CHST9: variants seen among roughly 807,000 people sequenced by gnomAD.
The protein encoded by CHST9 is carbohydrate sulfotransferase 9.
CHST9 carries 41 observed loss-of-function variants against 44.4 expected under a neutral mutation model. The ratio of observed to expected loss-of-function variants is 0.92; its 90% CI spans 0.72 to 1.20. CHST9 has a LOEUF of 1.20. Ranked by LOEUF, CHST9 falls within the 50% of genes most tolerant of loss-of-function variation. The probability of loss-of-function intolerance (pLI) is 0.00; values close to 1 mark genes in which losing one functional copy is unlikely to be tolerated. For missense variants in CHST9, 504 were observed against 516.5 expected (o/e 0.98, Z 0.23); for synonymous variants, 171 against 178.4 (o/e 0.96, Z 0.33).
chr18:27,006,329 G>A (rs2057015363), intron 4 of CHST9, among the ~76,000 whole-genome samples: 1 of 152,128 alleles, frequency 6.6e-6, no homozygotes. Flanking sequence ...GGTGTGGAGA[G>A]GGTATGCTAT....
At chr18:26,943,897 G>A (rs1288857369) in intron 5 of CHST9, among the ~76,000 whole-genome samples, 1 of 152,172 alleles carries the variant, frequency 6.6e-6, no homozygotes, top group African/African-American at 2.4e-5. Flanking sequence ...TGGTATATAG[G>A]GGGCCAGTTC....
chr18:27,171,124 A>T (rs1034550237), intron 1 of CHST9, among the ~76,000 whole-genome samples: 3 of 152,226 alleles, frequency 2.0e-5, no homozygotes, highest in Non-Finnish European at 4.4e-5. Flanking sequence ...AGGGTAAGTG[A>T]AATAAACTTG....
At chr18:26,985,235 A>G (rs566512028) in intron 4 of CHST9, among the ~76,000 whole-genome samples, 26 of 152,310 alleles carry the variant, frequency 1.7e-4, no homozygotes, top group African/African-American at 6.0e-4. Flanking sequence ...GCAAAAGAAG[A>G]CAGACACTAT....
chr18:27,165,059 G>T (rs7234821), intron 1 of CHST9, among the ~76,000 whole-genome samples: 48,763 of 152,016 alleles, frequency 0.32, 8,149 homozygotes, highest in East Asian at 0.48. Flanking sequence ...AGAAAATTTC[G>T]ATTGGTTGGC....
At chr18:27,051,867 C>T (rs2057571021) in intron 2 of CHST9, among the ~76,000 whole-genome samples, 1 of 152,130 alleles carries the variant, frequency 6.6e-6, no homozygotes, top group Non-Finnish European at 1.5e-5. Context: ...TACAGTAATG[C>T]TAATTGCAGG....
At chr18:26,992,632 T>A (rs1213432877) in intron 4 of CHST9, among the ~76,000 whole-genome samples, 3 of 151,842 alleles carry the variant, frequency 2.0e-5, no homozygotes, top group Non-Finnish European at 4.4e-5. Context: ...TTTTTTTTTT[T>A]AAAGGAATGT....
At position 26,966,333 on chromosome 18, in the gene CHST9, G is replaced by T. The variant is rs142440199; in HGVS notation, c.203-21967C>A. Among the ~76,000 whole-genome samples the T allele has an allele frequency of 2.3e-3, 343 of 152,172 alleles. 2 individuals carry two copies. The highest frequency in any genetic ancestry group is 3.6e-3 in the Non-Finnish European group (244 of 68,002). On this transcript the variant is annotated intron_variant, in intron 4 of 5. Transcript: ENST00000618847. ...CTTTTAAATTCTTAGAAAAGATCAGGCACAGCAAAAGCGAGTTAAAGCCTT... is the reference window on the plus strand; with the variant it reads ...CTTTTAAATTCTTAGAAAAGATCAGTCACAGCAAAAGCGAGTTAAAGCCTT...
chr18:27,124,029 A>G (rs1022877320), intron 2 of CHST9, among the ~76,000 whole-genome samples: 40 of 152,238 alleles, frequency 2.6e-4, no homozygotes, highest in Non-Finnish European at 5.6e-4. Context: ...AAGGAAAGGC[A>G]ACACAATTCT....
chr18:26,994,714 G>A (rs930624843), intron 4 of CHST9, among the ~76,000 whole-genome samples: 1 of 151,998 alleles, frequency 6.6e-6, no homozygotes, highest in African/African-American at 2.4e-5. Flanking sequence ...TCAGCCTCCT[G>A]AGTACCTGGG....
At chr18:27,127,407 G>A (rs2058433759) in intron 2 of CHST9, among the ~76,000 whole-genome samples, 1 of 152,166 alleles carries the variant, frequency 6.6e-6, no homozygotes, top group Non-Finnish European at 1.5e-5. Context: ...ATGCTGCACA[G>A]AACTCAAAAG....
intron 5 of CHST9, among the ~76,000 whole-genome samples, chr18:26,920,123 A>C (rs2055620750): frequency 6.6e-6 from 1 of 151,956 alleles, no homozygotes; most frequent in African/African-American, 2.4e-5. Context: ...CATCCAATCA[A>C]CTCTCAGTTC....
At chr18:27,100,484 T>C (rs908801775) in intron 2 of CHST9, among the ~76,000 whole-genome samples, 5 of 152,044 alleles carry the variant, frequency 3.3e-5, no homozygotes, top group Admixed American at 6.5e-5. Flanking sequence ...AACACACACC[T>C]ATGGAAGGAA....
intron 4 of CHST9, among the ~76,000 whole-genome samples, chr18:26,986,868 T>G (rs1266021450): frequency 6.6e-6 from 1 of 152,116 alleles, no homozygotes; most frequent in Non-Finnish European, 1.5e-5. Context: ...AATAAAGATG[T>G]TTGTGTACAT....
At chr18:27,028,178 T>C (rs1281184783) in intron 3 of CHST9, among the ~76,000 whole-genome samples, 1 of 152,088 alleles carries the variant, frequency 6.6e-6, no homozygotes, top group African/African-American at 2.4e-5. Flanking sequence ...CCTCCCAAAG[T>C]GCTGGGATTA....
At chr18:26,943,040 G>A (rs1295037822) in intron 5 of CHST9, among the ~76,000 whole-genome samples, 2 of 152,032 alleles carry the variant, frequency 1.3e-5, no homozygotes, top group Non-Finnish European at 2.9e-5. Context: ...CCTGGGAGGC[G>A]GAGGTTGCAG....
At chr18:27,104,334 ATTTTC>A (rs2058201915) in intron 2 of CHST9, among the ~76,000 whole-genome samples, 2 of 152,132 alleles carry the variant, frequency 1.3e-5, no homozygotes, top group Admixed American at 1.3e-4. Context: ...CAGATGCAAA[ATTTTC>A]TGTGCTGTGC....
intron 2 of CHST9, among the ~76,000 whole-genome samples, chr18:27,122,583 T>C (rs996435461): frequency 6.6e-6 from 1 of 152,116 alleles, no homozygotes; most frequent in Non-Finnish European, 1.5e-5. Context: ...TCCCCCTCCA[T>C]CCCATGTAAT....
chr18:27,136,200 G>A (rs1201996169), intron 2 of CHST9, among the ~76,000 whole-genome samples: 2 of 152,200 alleles, frequency 1.3e-5, no homozygotes, highest in African/African-American at 4.8e-5. Context: ...AGGCTTTTGA[G>A]GGGCAAGAAA....
chr18:26,975,725 GTATATATATA>G (rs59671204), intron 4 of CHST9, among the ~76,000 whole-genome samples: 23,161 of 101,806 alleles, frequency 0.23, 2,809 homozygotes, highest in African/African-American at 0.32. Context: ...GTGTGTGTGT[GTATATATATA>G]TATATATATA....
Sources: allele counts gnomAD v4.1 joint callset (sites outside exome capture counted in the v4.1 genomes callset), GRCh38; gene constraint gnomAD v4.1.1; transcripts MANE v1.5; gene names NCBI Gene and HGNC (gene_info 2026-07-23, HGNC 2026-07-21).